The following CRISP1 variants were observed in gnomAD, a reference collection of about 807,000 sequenced individuals.
CRISP1 encodes the protein cysteine-rich secretory protein 1.
CRISP1 carries 44 observed loss-of-function variants against 33.1 expected under a neutral mutation model. The observed-to-expected ratio is 1.33, with a 90% confidence interval of 1.05 to 1.71. The LOEUF (loss-of-function observed/expected upper bound fraction) is 1.71, where lower values mean the gene tolerates loss of function less well. Among genes scored for constraint, CRISP1 ranks in the 40% most tolerant of loss-of-function variants. The pLI is 0.00. For missense variants in CRISP1, 390 were observed against 301.2 expected, an observed-to-expected ratio of 1.29 and a Z score of -2.18; for synonymous variants, 103 against 98.7, an observed-to-expected ratio of 1.04 and a Z score of -0.26.
intron 7 of CRISP1, among the ~76,000 whole-genome samples, chr6:49,837,198 C>T (rs187749952): frequency 6.6e-6 from 1 of 152,246 alleles, no homozygotes; most frequent in Admixed American, 6.5e-5. Context: ...ATGTTCAATT[C>T]TTAAGTTCAT....
chr6:49,839,120 G>T (rs1582255195), intron 6 of CRISP1, among the ~76,000 whole-genome samples: 1 of 151,910 alleles, frequency 6.6e-6, no homozygotes, highest in East Asian at 1.9e-4. Flanking sequence ...AGAAGTTCTA[G>T]TTCTGGACTA....
intron 2 of CRISP1, among the ~76,000 whole-genome samples, chr6:49,855,117 CTT>C (rs1284183529): frequency 2.0e-5 from 3 of 152,102 alleles, no homozygotes; most frequent in Non-Finnish European, 2.9e-5. Context: ...CAAACACACT[CTT>C]TATTTTTCTC....
upstream of CRISP1, among the ~76,000 whole-genome samples, chr6:49,868,738 C>T (rs1442359814): frequency 1.3e-5 from 2 of 152,142 alleles, no homozygotes; most frequent in African/African-American, 4.8e-5. Flanking sequence ...ATTTGTGTCT[C>T]ATTGCTTCTT....
intron 4 of CRISP1, among the ~76,000 whole-genome samples, chr6:49,847,507 C>T (rs1460695796): frequency 1.3e-5 from 2 of 152,068 alleles, no homozygotes; most frequent in Non-Finnish European, 2.9e-5. Context: ...GACACTTGCT[C>T]CCCCTTCACC....
chr6:49,843,263 T>C lies in CRISP1; in HGVS notation c.436-2268A>G, dbSNP rs546303742. On this transcript the variant is annotated intron_variant, in intron 5 of 7. Transcript: ENST00000335847. ...TAATGTTAAGATACTCCTGGATTCCTGCCACATACCCTTTGTGTCTAAGTG... is the reference window on the plus strand; with the variant it reads ...TAATGTTAAGATACTCCTGGATTCCCGCCACATACCCTTTGTGTCTAAGTG... Among the ~76,000 whole-genome samples the C allele has an allele frequency of 8.5e-5, 13 of 152,340 alleles. No individual in the cohort carries two copies. The East Asian group carries it at 2.5e-3, about 29-fold the overall frequency.
At chr6:49,845,952 G>C (rs1000537171) in intron 5 of CRISP1, among the ~76,000 whole-genome samples, 4 of 152,178 alleles carry the variant, frequency 2.6e-5, no homozygotes, top group African/African-American at 9.7e-5. Flanking sequence ...GAGACAGAAA[G>C]TAGAGTGGTA....
chr6:49,843,540 G>C (rs922961998), intron 5 of CRISP1, among the ~76,000 whole-genome samples: 3 of 152,140 alleles, frequency 2.0e-5, no homozygotes, highest in Non-Finnish European at 4.4e-5. Flanking sequence ...AACTATGCTG[G>C]CACTCTAATC....
chr6:49,873,585 AAATG>A (rs1251541283), intron 1 of CRISP1, among the ~76,000 whole-genome samples: 1 of 152,112 alleles, frequency 6.6e-6, no homozygotes, highest in African/African-American at 2.4e-5. Context: ...TGATAATTAA[AAATG>A]AAGTTTTCAT....
At chr6:49,864,653 TAAC>T (rs1190366246) in intron 1 of CRISP1, among the ~76,000 whole-genome samples, 2 of 152,274 alleles carry the variant, frequency 1.3e-5, no homozygotes, top group African/African-American at 4.8e-5. Flanking sequence ...ATTTGTTTAA[TAAC>T]AAGATATTGA....
chr6:49,856,154 C>T (rs1771491729), intron 2 of CRISP1, among the ~76,000 whole-genome samples: 1 of 152,102 alleles, frequency 6.6e-6, no homozygotes, highest in South Asian at 2.1e-4. Flanking sequence ...CTGCTCTTTG[C>T]TCTGGACTTT....
intron 3 of CRISP1, among the ~76,000 whole-genome samples, chr6:49,850,476 T>C (rs1362524221): frequency 1.3e-5 from 2 of 152,094 alleles, no homozygotes; most frequent in African/African-American, 4.8e-5. Context: ...ACTTAGGTTC[T>C]AATATTGTGT....
intron 1 of CRISP1, among the ~76,000 whole-genome samples, chr6:49,875,257 C>T (rs1210968700): frequency 4.0e-5 from 6 of 151,684 alleles, no homozygotes; most frequent in African/African-American, 1.5e-4. Flanking sequence ...AATAATATTC[C>T]TATATACCAA....
chr6:49,840,833 A>G (rs544630230), intron 6 of CRISP1, 65 bp downstream of exon 6: 42 of 1,280,592 alleles, frequency 3.3e-5, no homozygotes, highest in Non-Finnish European at 4.2e-5. Flanking sequence ...CAAAAAAACA[A>G]TGTTTGAAAA....
intron 1 of CRISP1, among the ~76,000 whole-genome samples, chr6:49,872,246 T>G (rs1263172030): frequency 1.3e-5 from 2 of 151,752 alleles, no homozygotes; most frequent in African/African-American, 4.8e-5. Flanking sequence ...TTGATGGGGT[T>G]GTTTGTTTTT....
At chr6:49,842,779 G>A (rs1771036947) in intron 5 of CRISP1, among the ~76,000 whole-genome samples, 1 of 152,126 alleles carries the variant, frequency 6.6e-6, no homozygotes, top group Non-Finnish European at 1.5e-5. Context: ...TAAGAGCTGT[G>A]TAAAGACCAC....
chr6:49,867,521 G>A (rs1195231997), upstream of CRISP1, among the ~76,000 whole-genome samples: 1 of 152,046 alleles, frequency 6.6e-6, no homozygotes, highest in African/African-American at 2.4e-5. Context: ...GGTAAGAATT[G>A]TGTAGTCATA....
intron 7 of CRISP1, among the ~76,000 whole-genome samples, chr6:49,837,351 T>A (rs1011801905): frequency 6.6e-6 from 1 of 152,180 alleles, no homozygotes; most frequent in Non-Finnish European, 1.5e-5. Flanking sequence ...TAAATTGTTA[T>A]ACCACCACAG....
chr6:49,852,218 AT>A, intron 2 of CRISP1, 89 bp from the exon 3 acceptor site: 1 of 1,181,594 alleles, frequency 8.5e-7, no homozygotes, highest in East Asian at 2.4e-5. Flanking sequence ...ATGCAAATTT[AT>A]AGTTTATATT....
chr6:49,869,541 C>A (rs889885096), upstream of CRISP1, among the ~76,000 whole-genome samples: 4 of 152,182 alleles, frequency 2.6e-5, no homozygotes, highest in African/African-American at 9.6e-5. Flanking sequence ...AAGTTGCCAT[C>A]ATACACTCCT....
Sources: allele counts gnomAD v4.1 joint callset (sites outside exome capture counted in the v4.1 genomes callset), GRCh38; gene constraint gnomAD v4.1.1; transcripts MANE v1.5; gene names NCBI Gene and HGNC (gene_info 2026-07-23, HGNC 2026-07-21).